XRCC4: variants seen among roughly 807,000 people sequenced by gnomAD.
The protein encoded by XRCC4 is DNA repair protein XRCC4.
Under a neutral mutation model 39.1 loss-of-function variants are expected in XRCC4, and 28 were observed. That is an observed-to-expected ratio of 0.72 (90% CI 0.53 to 0.98). XRCC4 has a LOEUF of 0.98. XRCC4 is among the 50% of genes least tolerant of loss of function. The pLI is 0.00. For synonymous variants in XRCC4, 123 were observed against 126.4 expected (o/e 0.97, Z 0.18); for missense variants, 350 against 376.4 (o/e 0.93, Z 0.58).
intron 7 of XRCC4, among the ~76,000 whole-genome samples, chr5:83,304,902 A>G (rs1755424952): frequency 6.6e-6 from 1 of 152,190 alleles, no homozygotes; most frequent in African/African-American, 2.4e-5. Context: ...TTACAAAATA[A>G]AATTAGAAGC....
intron 3 of XRCC4, among the ~76,000 whole-genome samples, chr5:83,122,264 C>G (rs973594454): frequency 6.6e-6 from 1 of 152,136 alleles, no homozygotes; most frequent in Non-Finnish European, 1.5e-5. Context: ...GAATTGACAT[C>G]TTAACCATAT....
chr5:83,300,540 T>TTTTG (rs1320051693), intron 7 of XRCC4, among the ~76,000 whole-genome samples: 3 of 94,604 alleles, frequency 3.2e-5, no homozygotes, highest in Non-Finnish European at 6.5e-5. Flanking sequence ...TAATTTTATC[T>TTTTG]TTTGTTTGTG....
chr5:83,115,633 TCCTGAAAGATTTTTGCTTACCAC>T (rs1746675125), intron 3 of XRCC4, among the ~76,000 whole-genome samples: 2 of 152,170 alleles, frequency 1.3e-5, no homozygotes, highest in Admixed American at 1.3e-4. Context: ...CTCATAATAA[TCCTGAAAGATTTTTGCTTACCAC>T]CCTGAAAGTA....
intron 7 of XRCC4, among the ~76,000 whole-genome samples, chr5:83,264,408 T>C (rs1177358419): frequency 6.6e-6 from 1 of 151,322 alleles, no homozygotes; most frequent in Non-Finnish European, 1.5e-5. Flanking sequence ...TCTGATATCT[T>C]CTTCCTATGT....
intron 7 of XRCC4, among the ~76,000 whole-genome samples, chr5:83,304,181 T>A (rs1755396482): frequency 6.8e-6 from 1 of 147,860 alleles, no homozygotes; most frequent in African/African-American, 2.5e-5. Context: ...AACAACTTTT[T>A]TTTTTTTTTT....
At chr5:83,117,181 C>G (rs768686336) in intron 3 of XRCC4, among the ~76,000 whole-genome samples, 7 of 152,058 alleles carry the variant, frequency 4.6e-5, no homozygotes, top group Non-Finnish European at 8.8e-5. Flanking sequence ...GAGTGCGAAC[C>G]CATGTGACCC....
chr5:83,218,624 TG>T (rs1165254689), intron 6 of XRCC4, among the ~76,000 whole-genome samples: 1 of 152,150 alleles, frequency 6.6e-6, no homozygotes, highest in African/African-American at 2.4e-5. Context: ...TGTTTTGTTT[TG>T]TTTTTTTACC....
chr5:83,128,546 C>G (rs975809771), intron 3 of XRCC4, among the ~76,000 whole-genome samples: 1 of 152,144 alleles, frequency 6.6e-6, no homozygotes, highest in Non-Finnish European at 1.5e-5. Flanking sequence ...GAGGAATCAC[C>G]ACACTGTCTT....
intron 6 of XRCC4, among the ~76,000 whole-genome samples, chr5:83,257,588 G>T (rs1229318466): frequency 6.6e-6 from 1 of 152,150 alleles, no homozygotes; most frequent in Non-Finnish European, 1.5e-5. Flanking sequence ...CACTGTTGGT[G>T]GGAGTGTAAA....
chr5:83,285,297 A>G (rs1421244917), intron 7 of XRCC4, among the ~76,000 whole-genome samples: 1 of 152,168 alleles, frequency 6.6e-6, no homozygotes, highest in African/African-American at 2.4e-5. Flanking sequence ...GTGGGGCTGG[A>G]ATTGACACTG....
chr5:83,258,425 T>C, intron 6 of XRCC4, 105 bp from the exon 7 acceptor site: 1 of 1,342,400 alleles, frequency 7.4e-7, no homozygotes, highest in Non-Finnish European at 1.0e-6. Flanking sequence ...ATAGTTTTGC[T>C]ATATTTTAAT....
At chr5:83,327,938 T>A (rs552296909) in intron 7 of XRCC4, among the ~76,000 whole-genome samples, 1 of 151,994 alleles carries the variant, frequency 6.6e-6, no homozygotes, top group African/African-American at 2.4e-5. Context: ...CAAAAAGAAA[T>A]AAAATATATA....
At chr5:83,090,948 G>C (rs898330914) in intron 1 of XRCC4, among the ~76,000 whole-genome samples, 5 of 152,074 alleles carry the variant, frequency 3.3e-5, no homozygotes, top group East Asian at 1.9e-4. Flanking sequence ...TTATGATTTT[G>C]AATGCAATGC....
chr5:83,304,177 T>A (rs1249503475), intron 7 of XRCC4, among the ~76,000 whole-genome samples: 1 of 104,014 alleles, frequency 9.6e-6, no homozygotes, highest in Non-Finnish European at 2.0e-5. Flanking sequence ...GTTAAACAAC[T>A]TTTTTTTTTT....
rs59863129 is a variant in XRCC4, at chr5:83,325,415, A to G, written c.894-27716A>G. The stretch of plus-strand genomic sequence containing the variant: ...GCACAGATCATCCCATCACCCAGGT[A>G]TTAAGCCCAGCATCCATTAGTTATT... On this transcript the variant is annotated intron_variant, in intron 7 of 7. Transcript: ENST00000396027. 6.7e-3 allele frequency among the ~76,000 whole-genome samples: 1,012 copies of G among 152,040 alleles called. 9 individuals carry two copies. Among genetic ancestry groups the G allele is most frequent in the African/African-American group, 0.023 (966 of 41,496 alleles).
Position 83,144,124 on chromosome 5 carries a change from T to C in XRCC4, c.315+32921T>C, listed in dbSNP as rs1365179070. Among the ~76,000 whole-genome samples the C allele has an allele frequency of 2.0e-5, 3 of 152,148 alleles. No individual in the cohort carries two copies. The East Asian group carries it at 5.8e-4, about 29-fold the overall frequency. ...CTATATGTCTTTGTGTAACTATAGC[T>C]TAGCTCCCACTTGTAAGTGAGAACA... is the stretch of plus-strand genomic sequence containing the variant. On this transcript the variant is annotated intron_variant, in intron 3 of 7. Coordinates refer to ENST00000396027, the MANE Select transcript of XRCC4 (RefSeq NM_003401.5).
chr5:83,099,373 T>C (rs780340431), intron 1 of XRCC4, among the ~76,000 whole-genome samples: 26 of 152,190 alleles, frequency 1.7e-4, no homozygotes, highest in Non-Finnish European at 3.2e-4. Context: ...AATGATATAG[T>C]GTTGTAACTA....
chr5:83,165,962 T>C (rs6881258), intron 3 of XRCC4, among the ~76,000 whole-genome samples: 71,371 of 149,518 alleles, frequency 0.48, 17,886 homozygotes, highest in African/African-American at 0.61. Context: ...CTTGGCTCAC[T>C]GCAACCTCCA....
downstream of XRCC4, among the ~76,000 whole-genome samples, chr5:83,357,942 G>A (rs936092846): frequency 2.0e-5 from 3 of 152,082 alleles, no homozygotes; most frequent in East Asian, 1.9e-4. Flanking sequence ...AAGGCCTCAC[G>A]AATTTACTTA....
Sources: allele counts gnomAD v4.1 joint callset (sites outside exome capture counted in the v4.1 genomes callset), GRCh38; gene constraint gnomAD v4.1.1; transcripts MANE v1.5; gene names NCBI Gene and HGNC (gene_info 2026-07-23, HGNC 2026-07-21).